Variants in TMEM131L observed in about 807,000 individuals in gnomAD.
TMEM131L encodes the protein transmembrane 131 like, also known as transmembrane protein 131-like.
TMEM131L carries 54 observed loss-of-function variants against 192.2 expected under a neutral mutation model. The ratio of observed to expected loss-of-function variants is 0.28; its 90% confidence interval spans 0.23 to 0.35. The LOEUF is 0.35. Among genes scored for constraint, TMEM131L ranks in the 10% least tolerant of loss-of-function variants. The probability of loss-of-function intolerance (pLI) is 1.00; values close to 1 mark genes in which losing one functional copy is unlikely to be tolerated. For synonymous variants in TMEM131L, 701 were observed against 704.9 expected (o/e 0.99, Z 0.09); for missense variants, 1,888 against 1,972.9 (o/e 0.96, Z 0.82).
intron 3 of TMEM131L, among the ~76,000 whole-genome samples, chr4:153,526,917 G>A (rs1270005516): frequency 6.6e-6 from 1 of 152,148 alleles, no homozygotes; most frequent in Non-Finnish European, 1.5e-5. Context: ...TTGAGCGGGC[G>A]TGTAGGTTTT....
chr4:153,623,757 G>T (rs979710453), intron 29 of TMEM131L, among the ~76,000 whole-genome samples: 3 of 152,090 alleles, frequency 2.0e-5, no homozygotes, highest in Middle Eastern at 3.2e-3. Flanking sequence ...TCACCTTTTG[G>T]TTTGTTCTAA....
At chr4:153,617,274 A>G (rs1459185738) in intron 26 of TMEM131L, among the ~76,000 whole-genome samples, 2 of 152,220 alleles carry the variant, frequency 1.3e-5, no homozygotes, top group East Asian at 3.8e-4. Context: ...CCCTAGCCAC[A>G]TGGAACTGTG....
intron 3 of TMEM131L, among the ~76,000 whole-genome samples, chr4:153,499,027 CT>C (rs1352367122): frequency 6.6e-6 from 1 of 152,146 alleles, no homozygotes; most frequent in Non-Finnish European, 1.5e-5. Flanking sequence ...TTTTGTTGTC[CT>C]TTTCCTTGAA....
At chr4:153,605,395 T>G (rs1208521764) in intron 25 of TMEM131L, among the ~76,000 whole-genome samples, 1 of 152,252 alleles carries the variant, frequency 6.6e-6, no homozygotes, top group Non-Finnish European at 1.5e-5. Flanking sequence ...TGAAATAAGG[T>G]CTGGCTCTAT....
At chr4:153,527,423 C>T (rs1052102845) in intron 3 of TMEM131L, among the ~76,000 whole-genome samples, 3 of 152,068 alleles carry the variant, frequency 2.0e-5, no homozygotes, top group Non-Finnish European at 2.9e-5. Context: ...CAGGTGTGCA[C>T]CACCATGCCC....
chr4:153,629,034 C>T (rs1255812114), intron 31 of TMEM131L, among the ~76,000 whole-genome samples: 1 of 152,116 alleles, frequency 6.6e-6, no homozygotes, highest in Non-Finnish European at 1.5e-5. Context: ...CAGTCATTTC[C>T]TCGACTCCTC....
intron 7 of TMEM131L, among the ~76,000 whole-genome samples, chr4:153,573,787 G>GA (rs989896550): frequency 3.3e-5 from 5 of 151,824 alleles, no homozygotes; most frequent in South Asian, 2.1e-4. Flanking sequence ...TGTTTTAGGG[G>GA]AAAAAAAATC....
intron 9 of TMEM131L, among the ~76,000 whole-genome samples, chr4:153,582,367 C>T (rs1172427338): frequency 6.6e-6 from 1 of 150,960 alleles, no homozygotes; most frequent in Non-Finnish European, 1.5e-5. Context: ...ACCTTGGCCT[C>T]CCAAGTAGCT....
intron 25 of TMEM131L, among the ~76,000 whole-genome samples, chr4:153,607,811 A>G (rs1370167200): frequency 6.6e-6 from 1 of 152,228 alleles, no homozygotes; most frequent in Admixed American, 6.5e-5. Context: ...CCATCAAGAA[A>G]CATAATATTT....
chr4:153,552,742 G>A (rs1352354410), intron 4 of TMEM131L, among the ~76,000 whole-genome samples: 3 of 152,052 alleles, frequency 2.0e-5, no homozygotes, highest in Non-Finnish European at 4.4e-5. Context: ...GCTGAGGCAG[G>A]AGGATCACTT....
At chr4:153,604,930 C>T (rs759464747) in intron 25 of TMEM131L, among the ~76,000 whole-genome samples, 64 of 152,104 alleles carry the variant, frequency 4.2e-4, no homozygotes, top group African/African-American at 2.2e-4. Flanking sequence ...GGCTCAGACT[C>T]CGACCTCAAG....
intron 3 of TMEM131L, among the ~76,000 whole-genome samples, chr4:153,502,380 A>G (rs761876654): frequency 6.6e-6 from 1 of 152,174 alleles, no homozygotes; most frequent in Non-Finnish European, 1.5e-5. Context: ...GGACAGGAAA[A>G]CAGCTACTGG....
rs1028351489 is a variant in TMEM131L at position 153,535,394 on chromosome 4, G to T, written c.240-14679G>T. Among the ~76,000 whole-genome samples, 4 of 152,028 alleles carry T rather than the reference G, an allele frequency of 2.6e-5. No homozygotes were observed. In the East Asian group the frequency reaches 7.7e-4, roughly 29 times the overall value. ...TGCTGGGCTAGAGATGTAAATTTGG[G>T]GTGGTGTTTACAGCCTTCACGTTGG... On this transcript the variant is annotated intron_variant, in intron 3 of 34. Coordinates refer to ENST00000409959, the MANE Select transcript of TMEM131L (RefSeq NM_001131007.2).
At chr4:153,576,211 C>T (rs555222020) in intron 7 of TMEM131L, among the ~76,000 whole-genome samples, 52 of 152,258 alleles carry the variant, frequency 3.4e-4, no homozygotes, top group African/African-American at 1.0e-3. Flanking sequence ...CTGCCTGCCT[C>T]GGCCTCCCAG....
intron 21 of TMEM131L, among the ~76,000 whole-genome samples, chr4:153,599,541 A>G (rs80017783): frequency 0.022 from 3,396 of 152,294 alleles, 130 homozygotes; most frequent in African/African-American, 0.077. Context: ...TACAGAGGGA[A>G]AAAAGATTGT....
chr4:153,518,050 C>G (rs1203892648), intron 3 of TMEM131L, among the ~76,000 whole-genome samples: 1 of 151,970 alleles, frequency 6.6e-6, no homozygotes, highest in Non-Finnish European at 1.5e-5. Flanking sequence ...AAACAGTAAC[C>G]TTTTTGTTGA....
intron 7 of TMEM131L, among the ~76,000 whole-genome samples, chr4:153,578,297 A>AT (rs764915283): frequency 1.5e-4 from 23 of 152,178 alleles, no homozygotes; most frequent in Non-Finnish European, 2.9e-4. Context: ...TTGAGGCTGC[A>AT]TTGCGCTATG....
In TMEM131L at chr4:153,561,530, G is replaced by A. The variant is rs766254682; in HGVS notation, c.660+3162G>A. Among the ~76,000 whole-genome samples, 40 of 152,260 alleles carry A rather than the reference G, an allele frequency of 2.6e-4. 1 individual carries two copies. Among genetic ancestry groups the A allele is most frequent in the African/African-American group, 5.8e-4 (24 of 41,544 alleles). ...GGTTTATGACCCATCCTCACTTTAA[G>A]TTTTAGCATATGGTGTGAGGAAGGG... is the stretch of plus-strand genomic sequence containing the variant. On this transcript the variant is annotated intron_variant, in intron 7 of 34. Transcript: ENST00000409959.
chr4:153,488,196 TTGTG>T (rs1172768159), intron 3 of TMEM131L, among the ~76,000 whole-genome samples: 7 of 151,312 alleles, frequency 4.6e-5, no homozygotes, highest in African/African-American at 1.5e-4. Context: ...TGTGGCTGAG[TTGTG>T]TGTAAGAGAG....
Sources: allele counts gnomAD v4.1 joint callset (sites outside exome capture counted in the v4.1 genomes callset), GRCh38; gene constraint gnomAD v4.1.1; transcripts MANE v1.5; gene names NCBI Gene and HGNC (gene_info 2026-07-23, HGNC 2026-07-21).